AKAP6: variants seen among roughly 807,000 people sequenced by gnomAD.
AKAP6 encodes the protein A-kinase anchor protein 6.
A neutral mutation model predicts 188.5 loss-of-function variants in AKAP6; 58 were observed. That is an observed-to-expected ratio of 0.31 (90% CI 0.25 to 0.38). AKAP6 has a LOEUF of 0.38. Among genes scored for constraint, AKAP6 ranks in the 10% least tolerant of loss-of-function variants. The pLI, the probability that AKAP6 is intolerant of heterozygous loss-of-function variation, is 1.00. For synonymous variants in AKAP6, 989 were observed against 998.6 expected (o/e 0.99, Z 0.18); for missense variants, 2,710 against 2,740.0 (o/e 0.99, Z 0.24).
At chr14:32,447,412 C>T (rs933160451) in intron 2 of AKAP6, among the ~76,000 whole-genome samples, 4 of 152,054 alleles carry the variant, frequency 2.6e-5, no homozygotes, top group Non-Finnish European at 4.4e-5. Flanking sequence ...CATTGGCGTA[C>T]TAAAAATAAC....
chr14:32,569,673 A>G (rs1302466950), intron 4 of AKAP6, among the ~76,000 whole-genome samples: 1 of 152,224 alleles, frequency 6.6e-6, no homozygotes, highest in Admixed American at 6.5e-5. Flanking sequence ...GGAAGATTAT[A>G]TATGTTGGTA....
intron 7 of AKAP6, among the ~76,000 whole-genome samples, chr14:32,626,904 A>T (rs774337238): frequency 6.6e-6 from 1 of 152,132 alleles, no homozygotes; most frequent in Non-Finnish European, 1.5e-5. Flanking sequence ...ACAACATGTA[A>T]TAGGTGCTGC....
intron 11 of AKAP6, among the ~76,000 whole-genome samples, chr14:32,744,191 T>A (rs184679054): frequency 2.0e-5 from 3 of 152,336 alleles, no homozygotes; most frequent in African/African-American, 7.2e-5. Context: ...TTCTTTTCTC[T>A]TGCCACTTTT....
chr14:32,731,187 T>C (rs145479951), intron 9 of AKAP6, among the ~76,000 whole-genome samples: 160 of 152,326 alleles, frequency 1.1e-3, no homozygotes, highest in African/African-American at 3.5e-3. Flanking sequence ...GTGATGTGCA[T>C]GTTTAGTGTA....
chr14:32,390,363 C>G (rs149311551), intron 1 of AKAP6, among the ~76,000 whole-genome samples: 1 of 152,146 alleles, frequency 6.6e-6, no homozygotes, highest in African/African-American at 2.4e-5. Context: ...TCAGGGATTT[C>G]TTTTTGATTT....
At chr14:32,350,233 A>G (rs902790814) in intron 1 of AKAP6, among the ~76,000 whole-genome samples, 1 of 152,212 alleles carries the variant, frequency 6.6e-6, no homozygotes, top group Non-Finnish European at 1.5e-5. Context: ...TAACCAAGTG[A>G]TGAAGGTTGA....
chr14:32,736,500 A>C (rs1249285594), intron 11 of AKAP6, among the ~76,000 whole-genome samples: 6 of 152,124 alleles, frequency 3.9e-5, no homozygotes, highest in Admixed American at 2.0e-4. Flanking sequence ...TTTAAAAGCA[A>C]TTTAACATTA....
intron 4 of AKAP6, among the ~76,000 whole-genome samples, chr14:32,575,737 A>G (rs1366641359): frequency 6.6e-6 from 1 of 152,120 alleles, no homozygotes; most frequent in Non-Finnish European, 1.5e-5. Flanking sequence ...AGAGATTTTC[A>G]ATAGGAAAAG....
At chr14:32,438,740 T>C (rs1890471128) in intron 2 of AKAP6, 1 of 152,202 alleles carries the variant, frequency 6.6e-6, no homozygotes, top group Non-Finnish European at 1.5e-5. Flanking sequence ...CTCTCCGCCT[T>C]CTTTGGATTC....
intron 7 of AKAP6, among the ~76,000 whole-genome samples, chr14:32,637,742 G>A (rs991710111): frequency 1.3e-5 from 2 of 152,038 alleles, no homozygotes; most frequent in Admixed American, 1.3e-4. Flanking sequence ...TGGGAGTTGG[G>A]AGAATCAGTT....
intron 1 of AKAP6, among the ~76,000 whole-genome samples, chr14:32,368,798 C>G (rs1887915111): frequency 6.6e-6 from 1 of 151,096 alleles, no homozygotes; most frequent in African/African-American, 2.4e-5. Flanking sequence ...TGGGGTTTTG[C>G]TAGTTATCAA....
rs1889424213 is a variant in AKAP6, at chr14:32,676,326, G to A, written c.2731-1985G>A. On this transcript the variant is annotated intron_variant, in intron 7 of 13. Coordinates refer to ENST00000280979, the MANE Select transcript of AKAP6 (RefSeq NM_004274.5). Reference sequence around the variant, plus strand: ...TCTGATTGTTGACTCTTTACATTTAGTTTTATCCTTTTAAAAATAAAATAT... The same window carrying A: ...TCTGATTGTTGACTCTTTACATTTAATTTTATCCTTTTAAAAATAAAATAT... Among the ~76,000 whole-genome samples, 3 of 151,892 alleles carry A rather than the reference G, an allele frequency of 2.0e-5. No individual in the cohort carries two copies. The South Asian group carries it at 6.2e-4, about 32-fold the overall frequency.
chr14:32,755,519 T>C (rs1261585973), intron 11 of AKAP6, among the ~76,000 whole-genome samples: 2 of 151,302 alleles, frequency 1.3e-5, no homozygotes, highest in African/African-American at 2.4e-5. Flanking sequence ...GCAATTATTA[T>C]TATTATTATT....
At chr14:32,678,823 C>A (rs1415271047) in intron 8 of AKAP6, among the ~76,000 whole-genome samples, 1 of 152,118 alleles carries the variant, frequency 6.6e-6, no homozygotes, top group Non-Finnish European at 1.5e-5. Context: ...TATTTAAGGA[C>A]TTTTAAACAC....
chr14:32,491,848 A>G (rs1165448380), intron 2 of AKAP6, among the ~76,000 whole-genome samples: 2 of 152,202 alleles, frequency 1.3e-5, no homozygotes, highest in African/African-American at 4.8e-5. Context: ...AATTGATTTT[A>G]TCTGCAGTGA....
chr14:32,458,902 T>C (rs561778667), intron 2 of AKAP6, among the ~76,000 whole-genome samples: 2 of 152,210 alleles, frequency 1.3e-5, no homozygotes, highest in Admixed American at 1.3e-4. Flanking sequence ...GACAAAATAA[T>C]GCAACAGATA....
chr14:32,631,240 G>C (rs75291495), intron 7 of AKAP6, among the ~76,000 whole-genome samples: 1 of 151,826 alleles, frequency 6.6e-6, no homozygotes, highest in East Asian at 1.9e-4. Context: ...TGAGCGCCCC[G>C]TATATAAGAT....
chr14:32,353,433 C>T (rs1329836717), intron 1 of AKAP6, among the ~76,000 whole-genome samples: 3 of 152,116 alleles, frequency 2.0e-5, no homozygotes, highest in African/African-American at 7.2e-5. Flanking sequence ...TGGTGGCGGG[C>T]GCCTGTAGTC....
chr14:32,828,506 ATCTCTCTCTC>A (rs3032470), intron 13 of AKAP6, among the ~76,000 whole-genome samples: 1 of 141,290 alleles, frequency 7.1e-6, no homozygotes, highest in African/African-American at 2.7e-5. Context: ...CCTATCATCT[ATCTCTCTCTC>A]TCTCTCTCTC....
Sources: allele counts gnomAD v4.1 joint callset (sites outside exome capture counted in the v4.1 genomes callset), GRCh38; gene constraint gnomAD v4.1.1; transcripts MANE v1.5; gene names NCBI Gene and HGNC (gene_info 2026-07-23, HGNC 2026-07-21).